The following ITGA1 variants were observed in gnomAD, a reference collection of about 807,000 sequenced individuals.
ITGA1 encodes integrin alpha-1.
A neutral mutation model predicts 145.9 loss-of-function variants in ITGA1; 85 were observed. That is an observed-to-expected ratio of 0.58 (90% confidence interval 0.49 to 0.70). The LOEUF (loss-of-function observed/expected upper bound fraction) is 0.70. Ranked by LOEUF, ITGA1 falls within the 30% of genes least tolerant of loss-of-function variation. ITGA1 has a pLI of 0.00. For missense variants in ITGA1, 1,351 were observed against 1,418.7 expected (o/e 0.95, Z 0.77); for synonymous variants, 520 against 495.3 (o/e 1.05, Z -0.66).
intron 6 of ITGA1, among the ~76,000 whole-genome samples, chr5:52,871,635 G>GT (rs1749777540): frequency 1.9e-5 from 1 of 52,152 alleles, no homozygotes; most frequent in Admixed American, 1.6e-4. Flanking sequence ...GAAAAGGAAA[G>GT]GGGGAAGGAA....
intron 3 of ITGA1, among the ~76,000 whole-genome samples, chr5:52,863,628 T>G (rs1749641077): frequency 6.6e-6 from 1 of 152,224 alleles, no homozygotes; most frequent in Non-Finnish European, 1.5e-5. Flanking sequence ...TTTTTTTAAT[T>G]CTTCCTAGAA....
intron 6 of ITGA1, among the ~76,000 whole-genome samples, chr5:52,881,330 T>G (rs1749954320): frequency 6.6e-6 from 1 of 152,062 alleles, no homozygotes; most frequent in South Asian, 2.1e-4. Flanking sequence ...CCTGGTCTTC[T>G]TCACATACAC....
At chr5:52,793,254 T>C (rs1364532371) in intron 1 of ITGA1, among the ~76,000 whole-genome samples, 2 of 152,072 alleles carry the variant, frequency 1.3e-5, no homozygotes, top group South Asian at 2.1e-4. Context: ...CTAGAAATAA[T>C]AGGCACTTTT....
chr5:52,800,277 T>C, intron 1 of ITGA1: 1 of 1,038,054 alleles, frequency 9.6e-7, no homozygotes, highest in South Asian at 1.5e-5. Flanking sequence ...GCCAGGCAAG[T>C]GCCCTTAGAA....
At chr5:52,947,615 C>T (rs757997362) in intron 28 of ITGA1, among the ~76,000 whole-genome samples, 154 bp downstream of exon 28, 1 of 151,836 alleles carries the variant, frequency 6.6e-6, no homozygotes, top group Admixed American at 6.6e-5. Context: ...AAGAAAAATG[C>T]GTATTTCAAA....
intron 2 of ITGA1, among the ~76,000 whole-genome samples, chr5:52,850,220 T>C (rs1372217297): frequency 6.6e-6 from 1 of 152,110 alleles, no homozygotes; most frequent in Non-Finnish European, 1.5e-5. Context: ...CAGGCTGGTC[T>C]TGAATTTTTG....
intron 14 of ITGA1, among the ~76,000 whole-genome samples, chr5:52,911,662 TAC>T (rs1230187282): frequency 1.5e-3 from 175 of 120,184 alleles, no homozygotes; most frequent in Non-Finnish European, 1.8e-3. Flanking sequence ...ATATATACTA[TAC>T]ATATAGTGTA....
chr5:52,796,386 AT>A (rs1410334324), intron 1 of ITGA1, among the ~76,000 whole-genome samples: 9 of 151,986 alleles, frequency 5.9e-5, no homozygotes, highest in Non-Finnish European at 1.0e-4. Context: ...AGTTACTGAT[AT>A]AAAGATTTAT....
intron 1 of ITGA1, among the ~76,000 whole-genome samples, chr5:52,813,996 C>G (rs557342566): frequency 5.3e-5 from 8 of 152,198 alleles, no homozygotes; most frequent in Admixed American, 2.0e-4. Flanking sequence ...AATCCCAGCT[C>G]AGCCACTTGC....
rs1173248727 is a variant in ITGA1 at position 52,808,720 on chromosome 5, G to A, written c.61+20306G>A. ...TTTGTTTGATGAGTTTGAAGAGGAA[G>A]CTTAAAATACATTTCAGTACATGGC... On this transcript the variant is annotated intron_variant, in intron 1 of 28. Transcript: ENST00000282588. Among the ~76,000 whole-genome samples the A allele has an allele frequency of 1.5e-4, 17 of 117,094 alleles. No individual in the cohort carries two copies. The Admixed American group carries it at 1.9e-3, about 13-fold the overall frequency. The allele number at this position is 117,094 out of a possible 152,430, so 76.8% of individuals were successfully genotyped here.
chr5:52,927,738 C>T lies in ITGA1; in HGVS notation c.2694+74C>T. The T allele has an allele frequency of 6.3e-6, 6 of 959,774 alleles. No individual in the cohort carries two copies. In the South Asian group the frequency reaches 9.1e-5, roughly 15 times the overall value. The allele number at this position is 959,774 out of a possible 1,614,324, so 59.5% of individuals were successfully genotyped here. Reference sequence around the variant, plus strand: ...TATGTGCAAAGACAAATATATAAATCCTTCCAATGGTAGTTTAGGATAATA... The same window carrying T: ...TATGTGCAAAGACAAATATATAAATTCTTCCAATGGTAGTTTAGGATAATA... On this transcript the variant is annotated intron_variant, in intron 20 of 28. Coordinates refer to ENST00000282588, the MANE Select transcript of ITGA1 (RefSeq NM_181501.2).
chr5:52,844,979 C>T (rs1749310837), intron 1 of ITGA1, among the ~76,000 whole-genome samples: 1 of 152,134 alleles, frequency 6.6e-6, no homozygotes, highest in Non-Finnish European at 1.5e-5. Context: ...ATGTCATCTC[C>T]TGTTCTTCAG....
chr5:52,828,776 C>T (rs1749009318), intron 1 of ITGA1, among the ~76,000 whole-genome samples: 1 of 152,160 alleles, frequency 6.6e-6, no homozygotes, highest in Non-Finnish European at 1.5e-5. Context: ...AAGTCCAAAA[C>T]CAAGATGTTG....
At chr5:52,891,421 G>C (rs762699411) in intron 8 of ITGA1, among the ~76,000 whole-genome samples, 15 of 151,510 alleles carry the variant, frequency 9.9e-5, no homozygotes, top group Non-Finnish European at 2.1e-4. Context: ...ATTATTGCTT[G>C]TGATATTTTG....
chr5:52,898,830 T>C (rs1047091174), intron 11 of ITGA1, among the ~76,000 whole-genome samples: 1 of 152,120 alleles, frequency 6.6e-6, no homozygotes, highest in Non-Finnish European at 1.5e-5. Context: ...AAAAGAAAAA[T>C]GTATTTTGTC....
At position 52,898,397 on chromosome 5, in the gene ITGA1, A is replaced by T. The variant is rs758527726; in HGVS notation, c.1309+14A>T. 1 of 1,571,740 alleles carries T rather than the reference A, an allele frequency of 6.4e-7. No individual in the cohort carries two copies. The highest frequency in any genetic ancestry group is 8.6e-7 in the Non-Finnish European group (1 of 1,161,576). On this transcript the variant is annotated intron_variant, in intron 11 of 28. Coordinates refer to ENST00000282588, the MANE Select transcript of ITGA1 (RefSeq NM_181501.2). ...CTTCTTATTTAGGTAAGGTTTGGAT[A>T]TAATTATAAAAGAGTTGTTTTACTT... is the stretch of plus-strand genomic sequence containing the variant.
chr5:52,883,149 C>A (rs1029107248), intron 7 of ITGA1, among the ~76,000 whole-genome samples: 1 of 152,182 alleles, frequency 6.6e-6, no homozygotes. Context: ...TTTGTATACA[C>A]AAAGAGTGCA....
At chr5:52,863,869 G>A (rs1267667367) in intron 3 of ITGA1, 1 of 152,130 alleles carries the variant, frequency 6.6e-6, no homozygotes, top group African/African-American at 2.4e-5. Context: ...CCCAGCTCTA[G>A]GTGCTTTCAA....
Position 52,958,692 on chromosome 5 carries a change from T to C in ITGA1, c.*6241T>C, listed in dbSNP as rs1209122558. 1 of 152,220 alleles carries C rather than the reference T, an allele frequency of 6.6e-6. No homozygotes were observed. The highest frequency in any genetic ancestry group is 1.5e-5 in the Non-Finnish European group (1 of 68,028). 9.4% of individuals were successfully genotyped at this position (152,220 alleles called of 1,614,324 possible). ...ATTGTTAATGGACAGTGTAAAGAAT[T>C]GTATTCATTTTATTAGCAAGAAAAA... On this transcript the variant is annotated 3_prime_UTR_variant, in exon 29 of 29. Transcript: ENST00000282588.
Sources: gnomAD v4.1 joint callset for allele counts (sites outside exome capture counted in the v4.1 genomes callset) on GRCh38, gnomAD v4.1.1 for gene constraint, MANE v1.5 for transcripts, NCBI Gene and HGNC (gene_info 2026-07-23, HGNC 2026-07-21) for gene names.